SV2C: variants seen among roughly 807,000 people sequenced by gnomAD.
SV2C encodes synaptic vesicle glycoprotein 2C, also known as solute carrier family 22 member B3.
In SV2C, 49 loss-of-function variants were observed where a neutral mutation model predicts 79.7. The ratio of observed to expected loss-of-function variants is 0.61; its 90% confidence interval spans 0.49 to 0.78. The LOEUF (loss-of-function observed/expected upper bound fraction) is 0.78, where lower values mean the gene tolerates loss of function less well. SV2C is among the 30% of genes least tolerant of loss of function. SV2C has a pLI of 0.00. For synonymous variants in SV2C, 334 were observed against 333.2 expected, an observed-to-expected ratio of 1.00 and a Z score of -0.03; for missense variants, 833 against 912.9, an observed-to-expected ratio of 0.91 and a Z score of 1.13.
At chr5:76,072,051 A>G in the SV2C span, among the ~76,000 whole-genome samples, 1 of 152,142 alleles carries the variant, frequency 6.6e-6, no homozygotes, top group Non-Finnish European at 1.5e-5. Context: ...GAAAAAATTC[A>G]AAGAGATTAC....
At chr5:76,310,526 G>A (rs1358091655) in intron 12 of SV2C, among the ~76,000 whole-genome samples, 2 of 152,192 alleles carry the variant, frequency 1.3e-5, no homozygotes, top group Non-Finnish European at 2.9e-5. Context: ...ACAATAAAAG[G>A]GCTTTGGTCT....
intron 4 of SV2C, among the ~76,000 whole-genome samples, chr5:76,235,679 A>G (rs1056800467): frequency 2.0e-5 from 3 of 147,792 alleles, no homozygotes; most frequent in African/African-American, 8.1e-5. Flanking sequence ...TAGTGCAATA[A>G]AAAAAGGGAT....
At chr5:75,849,002 T>C in the SV2C span, among the ~76,000 whole-genome samples, 1 of 152,252 alleles carries the variant, frequency 6.6e-6, no homozygotes, top group Admixed American at 6.5e-5. Context: ...GTAATGACAG[T>C]GTATCATATC....
At chr5:76,062,636 A>G in the SV2C span, among the ~76,000 whole-genome samples, 2 of 152,020 alleles carry the variant, frequency 1.3e-5, no homozygotes, top group Non-Finnish European at 2.9e-5. Context: ...AAAAAAAAAA[A>G]ACTGTGTAAT....
At chr5:76,088,068 G>T (rs1329638752) in intron 1 of SV2C, among the ~76,000 whole-genome samples, 1 of 152,142 alleles carries the variant, frequency 6.6e-6, no homozygotes, top group Non-Finnish European at 1.5e-5. Flanking sequence ...TTTTACATGA[G>T]CCCCAAACCA....
In SV2C at chr5:76,125,119, T is replaced by C. The variant is rs189145977; in HGVS notation, c.-101-6531T>C. ...ATAGAGCAAATTAACTGTGTCAAAA[T>C]TGCATAAAAATGAACGTTAATATAC... On this transcript the variant is annotated intron_variant, in intron 1 of 12. Transcript: ENST00000502798. 5.5e-3 allele frequency among the ~76,000 whole-genome samples: 840 copies of C among 152,294 alleles called. 1 individual carries two copies. Among genetic ancestry groups the C allele is most frequent in the Non-Finnish European group, 8.7e-3 (594 of 68,014 alleles).
the SV2C span, among the ~76,000 whole-genome samples, chr5:76,036,426 T>G: frequency 1.3e-4 from 20 of 152,238 alleles, 1 homozygote; most frequent in Admixed American, 1.1e-3. Context: ...AGGAGCTCCT[T>G]TAGGGCAGGC....
chr5:76,209,910 G>C, intron 4 of SV2C, 23 bp downstream of exon 4: 2 of 1,595,918 alleles, frequency 1.3e-6, no homozygotes, highest in Non-Finnish European at 1.7e-6. Flanking sequence ...CCTTGCCCCA[G>C]CTGGGCAGTC....
chr5:75,930,466 T>C, the SV2C span, among the ~76,000 whole-genome samples: 14 of 152,342 alleles, frequency 9.2e-5, no homozygotes, highest in Admixed American at 2.6e-4. Flanking sequence ...AAAAGATTCA[T>C]ACAAAAGGTC....
At position 76,189,697 on chromosome 5, in the gene SV2C, C is replaced by T. The variant is rs976654167; in HGVS notation, c.581-5222C>T. Among the ~76,000 whole-genome samples, 45 of 152,288 alleles carry T rather than the reference C, an allele frequency of 3.0e-4. 1 individual carries two copies. The highest frequency in any genetic ancestry group is 1.1e-3 in the African/African-American group (45 of 41,554). ...GTTCCCCATTGTTTTCTTTGCATCACTACAGTCATTCTGCAGCTTTGATTT... is the reference window on the plus strand; with the variant it reads ...GTTCCCCATTGTTTTCTTTGCATCATTACAGTCATTCTGCAGCTTTGATTT... On this transcript the variant is annotated intron_variant, in intron 2 of 12. Coordinates refer to ENST00000502798, the MANE Select transcript of SV2C (RefSeq NM_014979.4).
intron 4 of SV2C, among the ~76,000 whole-genome samples, chr5:76,258,479 C>T (rs779181513): frequency 2.0e-5 from 3 of 152,148 alleles, no homozygotes; most frequent in Non-Finnish European, 4.4e-5. Context: ...CTTCGGTCAC[C>T]TCTACTGTAA....
intron 4 of SV2C, among the ~76,000 whole-genome samples, chr5:76,239,172 C>T (rs1249469479): frequency 6.6e-6 from 1 of 152,054 alleles, no homozygotes; most frequent in Non-Finnish European, 1.5e-5. Context: ...TGCTGTCTTC[C>T]AAAATCTTGT....
At chr5:76,155,623 C>T (rs1426682979) in intron 2 of SV2C, among the ~76,000 whole-genome samples, 1 of 152,080 alleles carries the variant, frequency 6.6e-6, no homozygotes, top group Non-Finnish European at 1.5e-5. Context: ...GAGGAATCTA[C>T]CTTGAATGTG....
chr5:76,121,234 C>A (rs1022973155), intron 1 of SV2C, among the ~76,000 whole-genome samples: 11 of 151,650 alleles, frequency 7.3e-5, no homozygotes, highest in Non-Finnish European at 1.5e-4. Flanking sequence ...TTTCTTGTAA[C>A]TTTGTTGGAG....
the SV2C span, among the ~76,000 whole-genome samples, chr5:75,945,451 A>G: frequency 6.6e-6 from 1 of 151,858 alleles, no homozygotes; most frequent in Non-Finnish European, 1.5e-5. Context: ...AGTTGGGACT[A>G]CAGGTGCATG....
chr5:75,970,083 T>A, the SV2C span, among the ~76,000 whole-genome samples: 26 of 152,072 alleles, frequency 1.7e-4, no homozygotes, highest in African/African-American at 6.3e-4. Flanking sequence ...ACTGGGTACA[T>A]AACAAAATGA....
the SV2C span, among the ~76,000 whole-genome samples, chr5:75,860,492 T>C: frequency 6.6e-6 from 1 of 152,114 alleles, no homozygotes; most frequent in Non-Finnish European, 1.5e-5. Context: ...AGAATCAATA[T>C]CATTAAAGTG....
intron 4 of SV2C, among the ~76,000 whole-genome samples, chr5:76,227,449 C>T (rs1745287614): frequency 6.6e-6 from 1 of 152,178 alleles, no homozygotes; most frequent in African/African-American, 2.4e-5. Flanking sequence ...TAACCCAGTG[C>T]CTTCCTAGGG....
chr5:76,107,661 C>T (rs1215898141), intron 1 of SV2C, among the ~76,000 whole-genome samples: 4 of 151,956 alleles, frequency 2.6e-5, no homozygotes, highest in East Asian at 3.9e-4. Flanking sequence ...GTCAGGAGTT[C>T]GAGAACAACA....
Sources: gnomAD v4.1 joint callset for allele counts (sites outside exome capture counted in the v4.1 genomes callset) on GRCh38, gnomAD v4.1.1 for gene constraint, MANE v1.5 for transcripts, NCBI Gene and HGNC (gene_info 2026-07-23, HGNC 2026-07-21) for gene names.